Variants in MICALL1 observed in about 807,000 individuals in gnomAD.
MICALL1 encodes MICAL-like protein 1.
MICALL1 carries 61 observed loss-of-function variants against 83.7 expected under a neutral mutation model. The observed-to-expected ratio is 0.73, with a 90% CI of 0.59 to 0.90. The LOEUF (loss-of-function observed/expected upper bound fraction) is 0.90. MICALL1 is among the 40% of genes least tolerant of loss of function. MICALL1 has a pLI of 0.00. For synonymous variants in MICALL1, 481 were observed against 473.6 expected, an observed-to-expected ratio of 1.02 and a Z score of -0.20; for missense variants, 1,066 against 1,152.0, an observed-to-expected ratio of 0.93 and a Z score of 1.08.
At chr22:37,926,899 G>A (rs150044565) in intron 8 of MICALL1, 10 of 158,360 alleles carry the variant, frequency 6.3e-5, no homozygotes, top group East Asian at 5.6e-4. Context: ...GTCCCACCCC[G>A]TGCTGGGGCG....
At chr22:37,914,015 A>G (rs1928508666) in intron 3 of MICALL1, among the ~76,000 whole-genome samples, 2 of 151,120 alleles carry the variant, frequency 1.3e-5, no homozygotes, top group Admixed American at 1.3e-4. Flanking sequence ...AGCTGGGATT[A>G]CAGGCATGCA....
chr22:37,925,614 G>C, intron 7 of MICALL1, 47 bp from the exon 8 acceptor site: 1 of 1,511,386 alleles, frequency 6.6e-7, no homozygotes, highest in Non-Finnish European at 9.0e-7. Flanking sequence ...GAAGGAAGCT[G>C]ACCCTTGCCT....
At chr22:37,910,626 G>A (rs1928256443) in intron 1 of MICALL1, among the ~76,000 whole-genome samples, 1 of 152,158 alleles carries the variant, frequency 6.6e-6, no homozygotes, top group Non-Finnish European at 1.5e-5. Flanking sequence ...TAGTCACCTT[G>A]CCTCTCCCCG....
At chr22:37,938,707 C>T (rs140716761) in intron 15 of MICALL1, among the ~76,000 whole-genome samples, 166 of 151,528 alleles carry the variant, frequency 1.1e-3, no homozygotes, top group African/African-American at 3.9e-3. Context: ...ACTCAACCTC[C>T]GCCTCCCAAG....
At chr22:37,911,813 TC>T in intron 1 of MICALL1, 138 bp from the exon 2 acceptor site, 24 of 795,064 alleles carry the variant, frequency 3.0e-5, no homozygotes, top group Middle Eastern at 2.3e-4. Flanking sequence ...ATCCACAGAC[TC>T]CCCCCCAGCA....
intron 13 of MICALL1, among the ~76,000 whole-genome samples, chr22:37,934,630 TCTGTCGCCCAGG>T (rs1404777886): frequency 1.1e-4 from 16 of 151,302 alleles, no homozygotes; most frequent in African/African-American, 3.9e-4. Context: ...AGAGTCTCAC[TCTGTCGCCCAGG>T]CTGGAGTGCA....
Position 37,925,958 on chromosome 22 carries a change from G to A in MICALL1, c.1380G>A (p.Leu460=), listed in dbSNP as rs745493300. Residue 460 remains leucine (L), a synonymous_variant, in exon 8 of 16, where the codon CTG becomes CTA. Coordinates refer to ENST00000215957, the MANE Select transcript of MICALL1 (RefSeq NM_033386.4). ...ACCCGGAGTCCACACCCAAGTCCCTGCACCCCTGGTACGGCATCACCCCTA... is the reference window on the plus strand; with the variant it reads ...ACCCGGAGTCCACACCCAAGTCCCTACACCCCTGGTACGGCATCACCCCTA... ...LGHPESTPKS[L]HPWYGITPTS... 12 of 1,613,736 alleles carry A rather than the reference G, an allele frequency of 7.4e-6. No individual in the cohort carries two copies. Among genetic ancestry groups the A allele is most frequent in the Non-Finnish European group, 1.0e-5 (12 of 1,179,954 alleles).
At position 37,927,920 on chromosome 22, in the gene MICALL1, T is replaced by G. The variant is rs1929569986; in HGVS notation, c.1881+94T>G. The G allele has an allele frequency of 6.8e-6, 9 of 1,326,112 alleles. 1 individual carries two copies. In the East Asian group the frequency reaches 2.2e-4, roughly 33 times the overall value. 82.1% of individuals were successfully genotyped at this position (1,326,112 alleles called of 1,614,324 possible). ...GAAATGTCCAGGGCCTTTTCTTAAT[T>G]TTTTTGAGATGGAGTCTCTCTCTGT... On this transcript the variant is annotated intron_variant, in intron 9 of 15. Transcript: ENST00000215957.
In MICALL1 at chr22:37,940,805, G is replaced by T; in HGVS notation, c.2567G>T (p.Ser856Ile). 1 of 1,614,104 alleles carries T rather than the reference G, an allele frequency of 6.2e-7. No individual in the cohort carries two copies. The highest frequency in any genetic ancestry group is 1.1e-5 in the South Asian group (1 of 91,088). Residue 856 changes from serine (S) to isoleucine (I), a missense_variant, in exon 16 of 16, where the codon AGC becomes ATC. Ser to Ile is a moderately radical substitution (Grantham distance 142, BLOSUM62 -2). Coordinates refer to ENST00000215957, the MANE Select transcript of MICALL1 (RefSeq NM_033386.4). ...CTAGGAAACAAACGTGATGCCAAGA[G>T]CAAGTCCCCCAGAGACAAGAGCTAA... ...KLLGNKRDAKSKSPRDKS is the reference protein window; with the variant it reads ...KLLGNKRDAKIKSPRDKS
chr22:37,919,704 T>C (rs896813741), intron 5 of MICALL1, among the ~76,000 whole-genome samples: 1 of 151,812 alleles, frequency 6.6e-6, no homozygotes, highest in Non-Finnish European at 1.5e-5. Flanking sequence ...AAATTTTTTT[T>C]TGGCCGGGTA....
chr22:37,927,427 C>T lies in MICALL1; in HGVS notation c.1482C>T (p.Arg494=), dbSNP rs368875558. ...SASPLALHAS[R]LSHSEPPSAT... is the part of the protein sequence containing the mutation. ...TCCGCACAGCTCTCCACGCCTCCCGCCTCTCGCACTCGGAGCCGCCCTCGG... is the reference window on the plus strand; with the variant it reads ...TCCGCACAGCTCTCCACGCCTCCCGTCTCTCGCACTCGGAGCCGCCCTCGG... The change falls in exon 9 of 16, where the codon CGC becomes CGT. Residue 494 remains arginine (R), a synonymous_variant. Coordinates refer to ENST00000215957, the MANE Select transcript of MICALL1 (RefSeq NM_033386.4). 21 of 1,588,662 alleles carry T rather than the reference C, an allele frequency of 1.3e-5. No individual in the cohort carries two copies. The highest frequency in any genetic ancestry group is 1.7e-5 in the Non-Finnish European group (20 of 1,166,536).
chr22:37,937,322 C>A, intron 14 of MICALL1, 128 bp downstream of exon 14: 2 of 735,718 alleles, frequency 2.7e-6, no homozygotes, highest in South Asian at 1.9e-5. Context: ...GCCAGCCCTG[C>A]CCTCCTACCA....
At chr22:37,911,814 C>A (rs73883995) in intron 1 of MICALL1, 138 bp from the exon 2 acceptor site, 18 of 785,824 alleles carry the variant, frequency 2.3e-5, no homozygotes, top group Non-Finnish European at 3.3e-5. Flanking sequence ...TCCACAGACT[C>A]CCCCCCAGCA....
At chr22:37,925,222 GT>G (rs1569143248) in intron 7 of MICALL1, among the ~76,000 whole-genome samples, 1 of 152,106 alleles carries the variant, frequency 6.6e-6, no homozygotes. Context: ...AGTTGTTAAC[GT>G]TTACTGAGTC....
At chr22:37,921,070 A>G (rs922255444) in intron 5 of MICALL1, among the ~76,000 whole-genome samples, 2 of 152,178 alleles carry the variant, frequency 1.3e-5, no homozygotes, top group African/African-American at 4.8e-5. Flanking sequence ...CCTGGGTGAC[A>G]GTGAGACCCT....
At chr22:37,910,533 A>G (rs972636577) in intron 1 of MICALL1, among the ~76,000 whole-genome samples, 5 of 152,196 alleles carry the variant, frequency 3.3e-5, no homozygotes, top group African/African-American at 9.7e-5. Context: ...AGGCAGTGGC[A>G]GAAAAGGGGA....
At chr22:37,911,559 C>T (rs1293601889) in intron 1 of MICALL1, among the ~76,000 whole-genome samples, 1 of 152,224 alleles carries the variant, frequency 6.6e-6, no homozygotes, top group Non-Finnish European at 1.5e-5. Flanking sequence ...GAGCCCAGCA[C>T]TGCGCCCTGG....
chr22:37,917,978 C>T (rs1928783211), intron 4 of MICALL1, among the ~76,000 whole-genome samples, 183 bp downstream of exon 4: 1 of 152,220 alleles, frequency 6.6e-6, no homozygotes, highest in Non-Finnish European at 1.5e-5. Flanking sequence ...GGCAGTGAGG[C>T]ATGGGTCAGG....
Position 37,941,625 on chromosome 22 carries a change from G to T in MICALL1, c.*795G>T, listed in dbSNP as rs1930440954. ...TAGGAAGGGTGCACTTGAAGCAGGT[G>T]CTCATCTCGGTTCCTTAACGTTTAT... On this transcript the variant is annotated 3_prime_UTR_variant, in exon 16 of 16. Transcript: ENST00000215957. 6.6e-6 allele frequency: 1 copy of T among 152,322 alleles called. No individual in the cohort carries two copies. The highest frequency in any genetic ancestry group is 6.5e-5 in the Admixed American group (1 of 15,280). 9.4% of individuals were successfully genotyped at this position (152,322 alleles called of 1,614,324 possible).
Sources: gnomAD v4.1 joint callset for allele counts (sites outside exome capture counted in the v4.1 genomes callset) on GRCh38, gnomAD v4.1.1 for gene constraint, MANE v1.5 for transcripts, NCBI Gene and HGNC (gene_info 2026-07-23, HGNC 2026-07-21) for gene names.